UBALD2: variants seen among roughly 807,000 people sequenced by gnomAD.
The protein encoded by UBALD2 is UBA-like domain-containing protein 2.
Under a neutral mutation model 15.9 loss-of-function variants are expected in UBALD2, and 8 were observed. That is an observed-to-expected ratio of 0.50 (90% CI 0.29 to 0.91). The LOEUF (loss-of-function observed/expected upper bound fraction) is 0.91, where lower values mean the gene tolerates loss of function less well. Ranked by LOEUF, UBALD2 falls within the 40% of genes least tolerant of loss-of-function variation. The pLI is 0.07. For missense variants in UBALD2, 178 were observed against 234.8 expected (o/e 0.76, Z 1.58); for synonymous variants, 113 against 97.7 (o/e 1.16, Z -0.93).
intron 1 of UBALD2, 93 bp from the exon 2 acceptor site, chr17:76,265,814 G>A (rs1336050578): frequency 2.7e-6 from 4 of 1,494,366 alleles, no homozygotes; most frequent in African/African-American, 2.9e-5. Flanking sequence ...GCCGCGGGCC[G>A]GGCGCGGAGG....
rs1223178467 is a variant in UBALD2, at chr17:76,270,718, T to G, written c.*213T>G. The G allele has an allele frequency of 6.3e-6, 3 of 475,460 alleles. No homozygotes were observed. The highest frequency in any genetic ancestry group is 1.1e-5 in the Non-Finnish European group (3 of 273,524). 29.5% of individuals were successfully genotyped at this position (475,460 alleles called of 1,614,324 possible). A position where few individuals can be genotyped will look rare whatever the true frequency, so the allele number is the denominator to read the frequency against. ...GAGTTTTTCAGGCAAGTTTTTCCTCTGTTTTTAATATATAACTATAATATA... is the reference window on the plus strand; with the variant it reads ...GAGTTTTTCAGGCAAGTTTTTCCTCGGTTTTTAATATATAACTATAATATA... On this transcript the variant is annotated 3_prime_UTR_variant, in exon 3 of 3. Coordinates refer to ENST00000327490, the MANE Select transcript of UBALD2 (RefSeq NM_182565.4).
In UBALD2 at chr17:76,270,181, T is replaced by A. The variant is rs1490968077; in HGVS notation, c.184-13T>A. 6.2e-7 allele frequency: 1 copy of A among 1,610,674 alleles called. No homozygotes were observed. The highest frequency in any genetic ancestry group is 1.3e-5 in the African/African-American group (1 of 74,712). On this transcript the variant is annotated splice_polypyrimidine_tract_variant and intron_variant, in intron 2 of 2. Transcript: ENST00000327490. The stretch of plus-strand genomic sequence containing the variant: ...CCGAGGCAGCCTCCCCACACCCGTG[T>A]TCTCTCCCGCAGATGTGCACTCCCA...
intron 2 of UBALD2, among the ~76,000 whole-genome samples, chr17:76,266,762 TA>T (rs1270240705): frequency 1.3e-5 from 2 of 152,124 alleles, no homozygotes; most frequent in African/African-American, 4.8e-5. Context: ...ATCTCTCCTG[TA>T]CCCTACCCCC....
rs1016114951 is a variant in UBALD2 at position 76,265,954 on chromosome 17, C to T, written c.168C>T (p.His56=). 7 of 1,594,958 alleles carry T rather than the reference C, an allele frequency of 4.4e-6. No individual in the cohort carries two copies. Among genetic ancestry groups the T allele is most frequent in the Non-Finnish European group, 5.1e-6 (6 of 1,171,656 alleles). Residue 56 remains histidine, a synonymous_variant, in exon 2 of 3, where the codon CAC becomes CAT. Transcript: ENST00000327490. ...AAGAAACCAACATTCCCAACAGCCA[C>T]CACCACCACCAGATGGTAAGCGGCG... is the stretch of plus-strand genomic sequence containing the variant. ...FFQETNIPNS[H]HHHQMMCTPS...
At chr17:76,267,490 CTTT>C (rs55819046) in intron 2 of UBALD2, among the ~76,000 whole-genome samples, 82 of 115,090 alleles carry the variant, frequency 7.1e-4, no homozygotes, top group Middle Eastern at 4.1e-3. Flanking sequence ...TTCATGGTTT[CTTT>C]TTTTTTTTTT....
At chr17:76,266,056 A>C in intron 2 of UBALD2, 87 bp downstream of exon 2, 1 of 1,468,660 alleles carries the variant, frequency 6.8e-7, no homozygotes, top group South Asian at 1.2e-5. Context: ...CGCGCCGCGA[A>C]TGTAAACAAA....
At chr17:76,267,100 G>A (rs1043060643) in intron 2 of UBALD2, among the ~76,000 whole-genome samples, 4 of 152,080 alleles carry the variant, frequency 2.6e-5, no homozygotes, top group Non-Finnish European at 4.4e-5. Flanking sequence ...AGGGGACACC[G>A]TCCCCTGCAC....
At chr17:76,270,152 AC>A in intron 2 of UBALD2, 41 bp from the exon 3 acceptor site, 1 of 1,537,196 alleles carries the variant, frequency 6.5e-7, no homozygotes, top group South Asian at 1.2e-5. Context: ...TGGCTCGGGG[AC>A]CCCCGAGGCA....
chr17:76,268,315 A>AC (rs1312314123), intron 2 of UBALD2, among the ~76,000 whole-genome samples: 1 of 152,240 alleles, frequency 6.6e-6, no homozygotes, highest in Non-Finnish European at 1.5e-5. Flanking sequence ...CAGGCAGGCC[A>AC]CCACAGGCCT....
intron 2 of UBALD2, among the ~76,000 whole-genome samples, chr17:76,266,547 A>G (rs1370361109): frequency 6.6e-6 from 1 of 152,232 alleles, no homozygotes; most frequent in African/African-American, 2.4e-5. Context: ...TTGGAAGGAC[A>G]TACATCCCCC....
chr17:76,270,293 A>C lies in UBALD2; in HGVS notation c.283A>C (p.Asn95His). 1.9e-6 allele frequency: 3 copies of C among 1,611,270 alleles called. No homozygotes were observed. Among genetic ancestry groups the C allele is most frequent in the Non-Finnish European group, 2.5e-6 (3 of 1,179,798 alleles). ...LRASEGLQSSNSPMTAAACSP... is the reference protein window; with the variant it reads ...LRASEGLQSSHSPMTAAACSP... Reference sequence around the variant, plus strand: ...CGCCTCCGAGGGCCTGCAGAGCAGCAACAGCCCCATGACAGCCGCAGCCTG... The same window carrying C: ...CGCCTCCGAGGGCCTGCAGAGCAGCCACAGCCCCATGACAGCCGCAGCCTG... Residue 95 changes from asparagine (N) to histidine (H), a missense_variant, in exon 3 of 3, where the codon AAC becomes CAC. Asn to His is a moderately conservative substitution (Grantham distance 68, BLOSUM62 1). Transcript: ENST00000327490.
Position 76,266,215 on chromosome 17 carries a change from G to A in UBALD2, c.183+246G>A, listed in dbSNP as rs537707692. ...GGGGAAGCGGCGCCAAAGTTGGGGG[G>A]AGGGGGAGAGGGCCGGGGGCCTGGC... On this transcript the variant is annotated intron_variant, in intron 2 of 2. Transcript: ENST00000327490. 2.6e-5 allele frequency among the ~76,000 whole-genome samples: 4 copies of A among 152,270 alleles called. No homozygotes were observed. In the East Asian group the frequency reaches 7.7e-4, roughly 29 times the overall value.
rs768026925 is a variant in UBALD2, at chr17:76,270,322, C to T, written c.312C>T (p.Ser104=). The T allele has an allele frequency of 1.2e-6, 2 of 1,608,046 alleles. No homozygotes were observed. The highest frequency in any genetic ancestry group is 4.5e-5 in the East Asian group (2 of 44,800). Residue 104 remains serine, a synonymous_variant, in exon 3 of 3, where the codon TCC becomes TCT. Coordinates refer to ENST00000327490, the MANE Select transcript of UBALD2 (RefSeq NM_182565.4). ...SNSPMTAAAC[S]PPANFSPFWA... Reference sequence around the variant, plus strand: ...GCCCCATGACAGCCGCAGCCTGCTCCCCACCTGCAAACTTCAGCCCCTTCT... The same window carrying T: ...GCCCCATGACAGCCGCAGCCTGCTCTCCACCTGCAAACTTCAGCCCCTTCT...
rs150674930 is a variant in UBALD2, at chr17:76,270,343, C to T, written c.333C>T (p.Pro111=). The T allele has an allele frequency of 7.7e-5, 123 of 1,598,122 alleles. No homozygotes were observed. Among genetic ancestry groups the T allele is most frequent in the Admixed American group, 5.5e-4 (32 of 58,386 alleles). ...AACSPPANFS[P]FWASSPPSHQ... ...GCTCCCCACCTGCAAACTTCAGCCCCTTCTGGGCCTCGTCCCCGCCCAGCC... is the reference window on the plus strand; with the variant it reads ...GCTCCCCACCTGCAAACTTCAGCCCTTTCTGGGCCTCGTCCCCGCCCAGCC... Residue 111 remains proline, a synonymous_variant, in exon 3 of 3, where the codon CCC becomes CCT. Coordinates refer to ENST00000327490, the MANE Select transcript of UBALD2 (RefSeq NM_182565.4).
In UBALD2 at chr17:76,265,445, G is replaced by T. The variant is rs1167598357; in HGVS notation, c.-61G>T. The stretch of plus-strand genomic sequence containing the variant: ...GAGCCCCGGGCGGCCGGCCTCCCGC[G>T]CCCGCGCAGCCCCGCGTCTGCGTCC... On this transcript the variant is annotated 5_prime_UTR_variant, in exon 1 of 3. Transcript: ENST00000327490. 6 of 992,236 alleles carry T rather than the reference G, an allele frequency of 6.0e-6. No homozygotes were observed. Among genetic ancestry groups the T allele is most frequent in the Non-Finnish European group, 7.2e-6 (6 of 835,344 alleles). The allele number at this position is 992,236 out of a possible 1,614,324, so 61.5% of individuals were successfully genotyped here.
Sources: allele counts gnomAD v4.1 joint callset (sites outside exome capture counted in the v4.1 genomes callset), GRCh38; gene constraint gnomAD v4.1.1; transcripts MANE v1.5; gene names NCBI Gene and HGNC (gene_info 2026-07-23, HGNC 2026-07-21).